The following PAFAH1B1 variants were observed in gnomAD, a reference collection of about 807,000 sequenced individuals.
The protein encoded by PAFAH1B1 is platelet activating factor acetylhydrolase 1b regulatory subunit 1.
PAFAH1B1 carries 2 observed loss-of-function variants against 57.5 expected under a neutral mutation model. The observed-to-expected ratio is 0.03, with a 90% CI of 0.01 to 0.11. The LOEUF is 0.11. Among genes scored for constraint, PAFAH1B1 ranks in the 10% least tolerant of loss-of-function variants. The pLI, the probability that PAFAH1B1 is intolerant of heterozygous loss-of-function variation, is 1.00. For missense variants in PAFAH1B1, 257 were observed against 512.0 expected, an observed-to-expected ratio of 0.50 and a Z score of 4.81; for synonymous variants, 152 against 169.6, an observed-to-expected ratio of 0.90 and a Z score of 0.81.
intron 6 of PAFAH1B1, among the ~76,000 whole-genome samples, chr17:2,672,452 A>G (rs1352921163): frequency 4.6e-5 from 7 of 151,996 alleles, no homozygotes; most frequent in African/African-American, 1.2e-4. Flanking sequence ...GGAGTTGACT[A>G]TTTCCTTGTG....
chr17:2,625,387 T>C (rs2068476271), intron 1 of PAFAH1B1, among the ~76,000 whole-genome samples: 1 of 152,220 alleles, frequency 6.6e-6, no homozygotes, highest in African/African-American at 2.4e-5. Context: ...TTTGGAAAGA[T>C]TTGTGAACCC....
chr17:2,619,243 C>A (rs1178475160), intron 1 of PAFAH1B1, among the ~76,000 whole-genome samples: 1 of 152,052 alleles, frequency 6.6e-6, no homozygotes, highest in Non-Finnish European at 1.5e-5. Context: ...GACTCCAACT[C>A]CTGGGCTTAG....
intron 1 of PAFAH1B1, among the ~76,000 whole-genome samples, chr17:2,626,077 CCT>C (rs2068485212): frequency 6.6e-6 from 1 of 151,812 alleles, no homozygotes; most frequent in South Asian, 2.1e-4. Flanking sequence ...ATGGTGAAAC[CCT>C]GTCTCTACTA....
At chr17:2,607,115 C>T (rs1436635207) in intron 1 of PAFAH1B1, among the ~76,000 whole-genome samples, 2 of 152,082 alleles carry the variant, frequency 1.3e-5, no homozygotes, top group East Asian at 1.9e-4. Flanking sequence ...TGAGCCACCA[C>T]GCTTGGCCTA....
intron 7 of PAFAH1B1, chr17:2,673,519 G>A (rs1217721670): frequency 6.4e-6 from 1 of 156,558 alleles, no homozygotes; most frequent in Middle Eastern, 3.1e-3. Flanking sequence ...GGCGCCTGTA[G>A]TCCCAGCTAC....
chr17:2,638,392 C>T, intron 2 of PAFAH1B1, 72 bp downstream of exon 2: 1 of 1,185,534 alleles, frequency 8.4e-7, no homozygotes, highest in Non-Finnish European at 1.3e-6. Flanking sequence ...TAAAATACAG[C>T]TTTGGGAGGT....
chr17:2,610,123 C>T (rs1158508464), intron 1 of PAFAH1B1, among the ~76,000 whole-genome samples: 1 of 152,218 alleles, frequency 6.6e-6, no homozygotes, highest in African/African-American at 2.4e-5. Context: ...TGTGGCTGGC[C>T]AGTAATTTTG....
intron 1 of PAFAH1B1, among the ~76,000 whole-genome samples, chr17:2,597,394 C>T (rs1400850315): frequency 1.4e-5 from 2 of 140,500 alleles, no homozygotes; most frequent in Non-Finnish European, 3.1e-5. Flanking sequence ...CTAGCTAGAA[C>T]ATCCGTGTCT....
chr17:2,671,364 A>T (rs139136401), intron 6 of PAFAH1B1, among the ~76,000 whole-genome samples: 142 of 151,608 alleles, frequency 9.4e-4, no homozygotes, highest in African/African-American at 3.3e-3. Context: ...ACGCGCCACC[A>T]CGCCCGTCTA....
chr17:2,652,433 A>G (rs1354744614), intron 2 of PAFAH1B1, among the ~76,000 whole-genome samples: 1 of 151,826 alleles, frequency 6.6e-6, no homozygotes, highest in Admixed American at 6.6e-5. Flanking sequence ...CAAAACAAAA[A>G]CCAAAAACAT....
chr17:2,617,281 G>A (rs2068356616), intron 1 of PAFAH1B1, among the ~76,000 whole-genome samples: 1 of 152,172 alleles, frequency 6.6e-6, no homozygotes, highest in Non-Finnish European at 1.5e-5. Context: ...ATGCTTCTCA[G>A]TGAAAAAAGT....
intron 9 of PAFAH1B1, among the ~76,000 whole-genome samples, chr17:2,677,388 G>T (rs2069286993): frequency 6.6e-6 from 1 of 152,166 alleles, no homozygotes; most frequent in Non-Finnish European, 1.5e-5. Context: ...ACATTCCTAT[G>T]TGCCTAAAGG....
At chr17:2,594,350 C>T (rs935274935) in intron 1 of PAFAH1B1, among the ~76,000 whole-genome samples, 7 of 152,228 alleles carry the variant, frequency 4.6e-5, no homozygotes, top group Non-Finnish European at 7.3e-5. Context: ...CCCTCGGTGA[C>T]TTAGCAAGAA....
At chr17:2,645,380 G>A (rs1460609876) in intron 2 of PAFAH1B1, among the ~76,000 whole-genome samples, 1 of 151,814 alleles carries the variant, frequency 6.6e-6, no homozygotes, top group South Asian at 2.1e-4. Flanking sequence ...GATCACTTGA[G>A]GTCAGGAGTT....
chr17:2,622,427 A>T (rs1456620323), intron 1 of PAFAH1B1, among the ~76,000 whole-genome samples: 1 of 152,190 alleles, frequency 6.6e-6, no homozygotes, highest in Non-Finnish European at 1.5e-5. Flanking sequence ...ATTGGCTAAA[A>T]CAAAGGGGTT....
intron 2 of PAFAH1B1, among the ~76,000 whole-genome samples, chr17:2,643,455 G>A (rs940046359): frequency 6.6e-6 from 1 of 151,956 alleles, no homozygotes; most frequent in African/African-American, 2.4e-5. Context: ...TTGTAGAGAT[G>A]GTCTCACTAT....
intron 1 of PAFAH1B1, among the ~76,000 whole-genome samples, chr17:2,631,080 A>G (rs962713238): frequency 6.6e-6 from 1 of 152,080 alleles, no homozygotes; most frequent in African/African-American, 2.4e-5. Context: ...GTCTCTACTA[A>G]AAATACAAAA....
rs188293783 is a variant in PAFAH1B1 at position 2,681,787 on chromosome 17, G to T, written c.1218G>T (p.Val406=). Residue 406 remains valine (V), a synonymous_variant, in exon 11 of 11, where the codon GTG becomes GTT. Transcript: ENST00000397195. ...VTGSVDQTVK[V]WECR ...GCAGCGTAGATCAAACAGTAAAAGT[G>T]TGGGAGTGCCGTTGATTGTGTCTCC... 2.5e-6 allele frequency: 4 copies of T among 1,612,040 alleles called. No homozygotes were observed. Among genetic ancestry groups the T allele is most frequent in the Non-Finnish European group, 3.4e-6 (4 of 1,179,664 alleles).
At chr17:2,655,080 G>A (rs1435701687) in intron 2 of PAFAH1B1, among the ~76,000 whole-genome samples, 2 of 151,860 alleles carry the variant, frequency 1.3e-5, no homozygotes, top group Admixed American at 1.3e-4. Flanking sequence ...GATTACAGGT[G>A]TGAGCCACCA....
Sources: gnomAD v4.1 joint callset for allele counts (sites outside exome capture counted in the v4.1 genomes callset) on GRCh38, gnomAD v4.1.1 for gene constraint, MANE v1.5 for transcripts, NCBI Gene and HGNC (gene_info 2026-07-23, HGNC 2026-07-21) for gene names.